ADCY1: variants seen among roughly 807,000 people sequenced by gnomAD.
ADCY1 encodes the protein adenylate cyclase 1.
A neutral mutation model predicts 105.4 loss-of-function variants in ADCY1; 28 were observed. The ratio of observed to expected loss-of-function variants is 0.27; its 90% CI spans 0.20 to 0.36. ADCY1 has a LOEUF of 0.36. Among genes scored for constraint, ADCY1 ranks in the 10% least tolerant of loss-of-function variants. The pLI, the probability that ADCY1 is intolerant of heterozygous loss-of-function variation, is 1.00. For synonymous variants in ADCY1, 655 were observed against 623.8 expected (o/e 1.05, Z -0.75); for missense variants, 977 against 1,434.2 (o/e 0.68, Z 5.15).
At chr7:45,664,391 A>C in intron 8 of ADCY1, 2 of 1,535,992 alleles carry the variant, frequency 1.3e-6, no homozygotes, top group South Asian at 2.4e-5. Flanking sequence ...GGTCCTGCCC[A>C]ACAGCCACTG....
chr7:45,595,700 A>G (rs1793053179), intron 2 of ADCY1, among the ~76,000 whole-genome samples: 1 of 152,166 alleles, frequency 6.6e-6, no homozygotes, highest in Non-Finnish European at 1.5e-5. Context: ...ATATTTTCAA[A>G]TGGAAGGATC....
chr7:45,648,874 GC>G, intron 5 of ADCY1, 77 bp downstream of exon 5: 2 of 1,558,822 alleles, frequency 1.3e-6, no homozygotes, highest in South Asian at 1.2e-5. Context: ...GCCACCTTCT[GC>G]CCCATGTGGG....
At position 45,627,656 on chromosome 7, in the gene ADCY1, G is replaced by A. The variant is rs112043278; in HGVS notation, c.1020+4913G>A. On this transcript the variant is annotated intron_variant, in intron 4 of 19. Coordinates refer to ENST00000297323, the MANE Select transcript of ADCY1 (RefSeq NM_021116.4). ...AATGGCCAGAGGAGGGGCTGGGGTG[G>A]CCTACAACAGGCACTTTTTGGCCAG... is the stretch of plus-strand genomic sequence containing the variant. Among the ~76,000 whole-genome samples the A allele has an allele frequency of 3.4e-3, 522 of 152,310 alleles. 4 individuals are homozygous for A. The highest frequency in any genetic ancestry group is 0.012 in the African/African-American group (497 of 41,582).
chr7:45,625,616 AAC>A (rs1278061079), intron 4 of ADCY1, among the ~76,000 whole-genome samples: 5 of 152,086 alleles, frequency 3.3e-5, no homozygotes, highest in East Asian at 3.9e-4. Flanking sequence ...TGCTTACATG[AAC>A]ACACGTGTGT....
chr7:45,611,912 T>C (rs939734160), intron 3 of ADCY1, among the ~76,000 whole-genome samples: 7 of 152,166 alleles, frequency 4.6e-5, no homozygotes, highest in African/African-American at 1.7e-4. Context: ...AAAAGGTCAA[T>C]AGAAACTCTC....
intron 5 of ADCY1, among the ~76,000 whole-genome samples, 169 bp downstream of exon 5, chr7:45,648,966 G>A (rs1218762156): frequency 6.6e-6 from 1 of 152,158 alleles, no homozygotes; most frequent in Non-Finnish European, 1.5e-5. Context: ...GAGGATGCTG[G>A]GTTCAGGAAA....
intron 19 of ADCY1, among the ~76,000 whole-genome samples, chr7:45,711,461 G>T (rs1453071103): frequency 6.6e-6 from 1 of 151,822 alleles, no homozygotes; most frequent in Non-Finnish European, 1.5e-5. Context: ...CTGCACTTCT[G>T]CATTCTCTTT....
intron 1 of ADCY1, among the ~76,000 whole-genome samples, chr7:45,588,984 G>A (rs1044787568): frequency 6.6e-6 from 1 of 152,126 alleles, no homozygotes; most frequent in African/African-American, 2.4e-5. Context: ...TGTGTCCCAC[G>A]CAGTGTCCTT....
chr7:45,609,720 A>G lies in ADCY1; in HGVS notation c.790-659A>G, dbSNP rs148648709. 3.1e-3 allele frequency among the ~76,000 whole-genome samples: 471 copies of G among 152,278 alleles called. 4 individuals are homozygous for G. The highest frequency in any genetic ancestry group is 0.011 in the African/African-American group (442 of 41,576). On this transcript the variant is annotated intron_variant, in intron 2 of 19. Transcript: ENST00000297323. ...TGGGGTTGGGGTCAGGGAACATCCA[A>G]CTGGAGGATGAGAATCAAAGTCCTA...
At chr7:45,613,192 A>C (rs1382497848) in intron 3 of ADCY1, among the ~76,000 whole-genome samples, 1 of 152,246 alleles carries the variant, frequency 6.6e-6, no homozygotes, top group African/African-American at 2.4e-5. Flanking sequence ...CATGGAGGAC[A>C]AAAGAATAAT....
intron 17 of ADCY1, among the ~76,000 whole-genome samples, chr7:45,706,578 G>T (rs916719129): frequency 6.8e-6 from 1 of 148,126 alleles, no homozygotes; most frequent in African/African-American, 2.5e-5. Context: ...AAGCCTAAAT[G>T]TAAAATGCAA....
chr7:45,673,215 C>A (rs1232533139), intron 8 of ADCY1, among the ~76,000 whole-genome samples: 1 of 151,854 alleles, frequency 6.6e-6, no homozygotes, highest in East Asian at 1.9e-4. Context: ...ATATCTACAT[C>A]CATGAGGGAT....
At chr7:45,707,896 A>G (rs1457755400) in intron 17 of ADCY1, among the ~76,000 whole-genome samples, 1 of 152,238 alleles carries the variant, frequency 6.6e-6, no homozygotes, top group Non-Finnish European at 1.5e-5. Flanking sequence ...TAAAAATAAA[A>G]ATTAGAGACT....
Position 45,679,766 on chromosome 7 carries a change from C to G in ADCY1, c.1956C>G (p.Val652=). The change falls in exon 11 of 20, where the codon GTC becomes GTG. Residue 652 remains valine, a synonymous_variant. Coordinates refer to ENST00000297323, the MANE Select transcript of ADCY1 (RefSeq NM_021116.4). ...GCATCTGCTTCCTGGTGGCCTGTGTCCTGTACCTGCACATCACCCGGGTCC... is the reference window on the plus strand; with the variant it reads ...GCATCTGCTTCCTGGTGGCCTGTGTGCTGTACCTGCACATCACCCGGGTCC... The part of the protein sequence containing the change: ...VFCICFLVAC[V]LYLHITRVQC... The G allele has an allele frequency of 6.2e-7, 1 of 1,614,212 alleles. No homozygotes were observed. Among genetic ancestry groups the G allele is most frequent in the South Asian group, 1.1e-5 (1 of 91,082 alleles).
chr7:45,657,602 G>T lies in ADCY1; in HGVS notation c.1149-125G>T, dbSNP rs1417478114. 15 of 1,050,136 alleles carry T rather than the reference G, an allele frequency of 1.4e-5. No homozygotes were observed. In the African/African-American group the frequency reaches 1.7e-4, roughly 12 times the overall value. The allele number at this position is 1,050,136 out of a possible 1,614,324, so 65.1% of individuals were successfully genotyped here. On this transcript the variant is annotated intron_variant, in intron 5 of 19. Coordinates refer to ENST00000297323, the MANE Select transcript of ADCY1 (RefSeq NM_021116.4). ...CTATGCCAGGAGACCTCCACGCTCA[G>T]GCCACATGCAGCAAGGACAAGACCC...
chr7:45,660,307 G>T, intron 7 of ADCY1, 124 bp downstream of exon 7: 1 of 1,364,508 alleles, frequency 7.3e-7, no homozygotes, highest in Non-Finnish European at 1.0e-6. Flanking sequence ...AACTTGCTAA[G>T]ATGGGGAGAG....
chr7:45,703,279 C>G lies in ADCY1; in HGVS notation c.2455-97C>G. Reference sequence around the variant, plus strand: ...GCGTGGATGTAGACCATCAGCACACCTGGAGTCCAGTTTGGATGATTAGAA... The same window carrying G: ...GCGTGGATGTAGACCATCAGCACACGTGGAGTCCAGTTTGGATGATTAGAA... On this transcript the variant is annotated intron_variant, in intron 14 of 19. Transcript: ENST00000297323. The surrounding 1 kb of genome is among the most constrained non-coding windows in gnomAD (Gnocchi z 5.9). The G allele has an allele frequency of 8.6e-7, 1 of 1,156,980 alleles. No individual in the cohort carries two copies. The highest frequency in any genetic ancestry group is 1.7e-5 in the Admixed American group (1 of 58,702). The allele number at this position is 1,156,980 out of a possible 1,614,324, so 71.7% of individuals were successfully genotyped here.
chr7:45,702,886 C>T (rs563879711), intron 14 of ADCY1, among the ~76,000 whole-genome samples: 229 of 152,322 alleles, frequency 1.5e-3, no homozygotes, highest in African/African-American at 5.1e-3. Flanking sequence ...TTCTACTTGC[C>T]TCAATGCCCA....
intron 4 of ADCY1, among the ~76,000 whole-genome samples, chr7:45,626,833 C>T (rs1326564713): frequency 6.6e-6 from 1 of 152,198 alleles, no homozygotes; most frequent in East Asian, 1.9e-4. Flanking sequence ...GAGGACGGGG[C>T]CTTGCCCTAG....
Sources: allele counts gnomAD v4.1 joint callset (sites outside exome capture counted in the v4.1 genomes callset), GRCh38; gene constraint gnomAD v4.1.1; non-coding constraint Gnocchi (gnomAD v3.1); transcripts MANE v1.5; gene names NCBI Gene and HGNC (gene_info 2026-07-23, HGNC 2026-07-21).